Variants in PTPRT observed in about 807,000 individuals in gnomAD.
PTPRT encodes protein tyrosine phosphatase receptor type T.
In PTPRT, 56 loss-of-function variants were observed where a neutral mutation model predicts 176.8. The observed-to-expected ratio is 0.32, with a 90% CI of 0.26 to 0.40. The LOEUF is 0.40. Ranked by LOEUF, PTPRT falls within the 10% of genes least tolerant of loss-of-function variation. PTPRT has a pLI of 1.00. For missense variants in PTPRT, 1,540 were observed against 1,908.2 expected (o/e 0.81, Z 3.60); for synonymous variants, 783 against 739.0 (o/e 1.06, Z -0.96).
At chr20:42,204,281 C>G (rs2055395599) in intron 15 of PTPRT, among the ~76,000 whole-genome samples, 1 of 149,052 alleles carries the variant, frequency 6.7e-6, no homozygotes. Context: ...ATAGCTGCAG[C>G]TATAGCATGT....
chr20:42,439,801 T>G (rs1330802411), intron 9 of PTPRT, among the ~76,000 whole-genome samples: 1 of 152,216 alleles, frequency 6.6e-6, no homozygotes, highest in African/African-American at 2.4e-5. Context: ...TCTGATTTAT[T>G]TGGACCGCAA....
chr20:42,404,987 T>TATATATATAC (rs1555843282), intron 9 of PTPRT, among the ~76,000 whole-genome samples: 4 of 135,882 alleles, frequency 2.9e-5, no homozygotes, highest in Admixed American at 1.5e-4. Flanking sequence ...TATATATATA[T>TATATATATAC]ACACACACAC....
At chr20:42,148,850 T>C (rs981755928) in intron 17 of PTPRT, among the ~76,000 whole-genome samples, 3 of 152,218 alleles carry the variant, frequency 2.0e-5, no homozygotes, top group African/African-American at 4.8e-5. Context: ...TCTTTGCCAA[T>C]TACAGCTCTA....
chr20:42,677,365 A>C (rs1447609617), intron 7 of PTPRT, among the ~76,000 whole-genome samples: 3 of 152,042 alleles, frequency 2.0e-5, no homozygotes, highest in East Asian at 3.9e-4. Context: ...TGAAGCGTTC[A>C]CGGGGCACAG....
At chr20:42,357,805 T>G (rs1427679627) in intron 9 of PTPRT, among the ~76,000 whole-genome samples, 2 of 151,862 alleles carry the variant, frequency 1.3e-5, no homozygotes, top group Non-Finnish European at 2.9e-5. Flanking sequence ...TCCTAGTTAC[T>G]TGGGAGGCTG....
chr20:42,830,082 C>A (rs2078059375), intron 2 of PTPRT, among the ~76,000 whole-genome samples: 1 of 152,186 alleles, frequency 6.6e-6, no homozygotes, highest in Non-Finnish European at 1.5e-5. Flanking sequence ...ATAGACTCCT[C>A]CCCAACTCAT....
At chr20:42,869,890 C>G (rs930209591) in intron 2 of PTPRT, among the ~76,000 whole-genome samples, 2 of 152,130 alleles carry the variant, frequency 1.3e-5, no homozygotes, top group African/African-American at 4.8e-5. Flanking sequence ...TCAGAGCCCT[C>G]ATGAATGGGA....
At chr20:42,485,459 A>G (rs1002262000) in intron 7 of PTPRT, among the ~76,000 whole-genome samples, 7 of 152,226 alleles carry the variant, frequency 4.6e-5, no homozygotes. Context: ...TGGAATTAGA[A>G]AAGTCTCAGC....
chr20:42,461,237 G>C (rs916817171), intron 8 of PTPRT, among the ~76,000 whole-genome samples: 4 of 152,234 alleles, frequency 2.6e-5, no homozygotes, highest in Non-Finnish European at 5.9e-5. Flanking sequence ...TGAAGCAGGA[G>C]AATGGCTTGA....
intron 16 of PTPRT, among the ~76,000 whole-genome samples, chr20:42,180,880 G>A (rs893876885): frequency 3.3e-5 from 5 of 152,198 alleles, no homozygotes; most frequent in African/African-American, 9.7e-5. Context: ...AGGATCATAT[G>A]CAAGAGAAAG....
chr20:42,629,079 T>C (rs1056983357), intron 7 of PTPRT, among the ~76,000 whole-genome samples: 4 of 152,148 alleles, frequency 2.6e-5, no homozygotes, highest in Admixed American at 6.5e-5. Context: ...TAGGGTGAGA[T>C]GGCCAGGCTA....
chr20:42,430,023 C>A (rs1392297010), intron 9 of PTPRT, among the ~76,000 whole-genome samples: 1 of 152,194 alleles, frequency 6.6e-6, no homozygotes. Context: ...GTTTTATCCT[C>A]AGAGCTGTTG....
intron 1 of PTPRT, among the ~76,000 whole-genome samples, chr20:42,985,782 A>C (rs1431218303): frequency 6.6e-6 from 1 of 152,176 alleles, no homozygotes; most frequent in African/African-American, 2.4e-5. Context: ...AGATGTTCAA[A>C]GTCTAGCGGG....
chr20:42,341,658 G>A (rs1360696991), intron 11 of PTPRT, among the ~76,000 whole-genome samples: 2 of 152,012 alleles, frequency 1.3e-5, no homozygotes, highest in African/African-American at 4.8e-5. Flanking sequence ...AATACCACCT[G>A]GATGCTAATG....
intron 1 of PTPRT, among the ~76,000 whole-genome samples, chr20:43,176,834 G>T (rs1453248837): frequency 6.6e-6 from 1 of 152,144 alleles, no homozygotes; most frequent in Non-Finnish European, 1.5e-5. Flanking sequence ...CCAACATGCT[G>T]ATATAGAAGG....
chr20:42,535,094 TTACCAAAGTCCCTGGCACAAAA>T (rs2072453217), intron 7 of PTPRT, among the ~76,000 whole-genome samples: 1 of 152,096 alleles, frequency 6.6e-6, no homozygotes, highest in African/African-American at 2.4e-5. Context: ...TAAGGCGCTG[TTACCAAAGTCCCTGGCACAAAA>T]TAAGTACTCA....
chr20:42,725,009 T>TGTGTGTGTGTGTGTGTGTGTGTG (rs1569113401), intron 6 of PTPRT, among the ~76,000 whole-genome samples: 1 of 133,958 alleles, frequency 7.5e-6, no homozygotes, highest in African/African-American at 2.6e-5. Flanking sequence ...TGGACATCTT[T>TGTGTGTGTGTGTGTGTGTGTGTG]TGTGTGTGTG....
At chr20:42,679,623 A>G (rs945247918) in intron 6 of PTPRT, among the ~76,000 whole-genome samples, 1 of 152,230 alleles carries the variant, frequency 6.6e-6, no homozygotes, top group African/African-American at 2.4e-5. Context: ...TGTCCATTCC[A>G]ATATTTATGT....
chr20:43,002,029 T>C (rs1281399883), intron 1 of PTPRT, among the ~76,000 whole-genome samples: 2 of 152,172 alleles, frequency 1.3e-5, no homozygotes, highest in Non-Finnish European at 2.9e-5. Context: ...TATTGGATTA[T>C]GGGGGCGGCT....
Sources: gnomAD v4.1 joint callset for allele counts (sites outside exome capture counted in the v4.1 genomes callset) on GRCh38, gnomAD v4.1.1 for gene constraint, MANE v1.5 for transcripts, NCBI Gene and HGNC (gene_info 2026-07-23, HGNC 2026-07-21) for gene names.